The following ANGPTL1 variants were observed in gnomAD, a reference collection of about 807,000 sequenced individuals.
The protein encoded by ANGPTL1 is angiopoietin-related protein 1.
A neutral mutation model predicts 46.7 loss-of-function variants in ANGPTL1; 36 were observed. The observed-to-expected ratio is 0.77, with a 90% confidence interval of 0.59 to 1.02. The LOEUF (loss-of-function observed/expected upper bound fraction) is 1.02. Among genes scored for constraint, ANGPTL1 ranks in the 50% least tolerant of loss-of-function variants. ANGPTL1 has a pLI of 0.00. For synonymous variants in ANGPTL1, 221 were observed against 204.3 expected (o/e 1.08, Z -0.69); for missense variants, 571 against 594.7 (o/e 0.96, Z 0.41).
Position 178,865,693 on chromosome 1 carries a change from A to T in ANGPTL1, c.84T>A (p.Ile28=), listed in dbSNP as rs569779866. The T allele has an allele frequency of 5.9e-4, 948 of 1,613,842 alleles. 15 individuals are homozygous for T. The South Asian group carries it at 9.9e-3, about 17-fold the overall frequency. The change falls in exon 3 of 6, where the codon ATT becomes ATA. Residue 28 remains isoleucine, a synonymous_variant. Transcript: ENST00000234816. ...GGTATCTTCTCTGGTTTATTTTTTT[A>T]ATTTTGAATTGTCCACCTCTGCAAT... ...TGHCRGGQFK[I]KKINQRRYPR...
rs180699315 is a variant in ANGPTL1 at position 178,863,875 on chromosome 1, A to G, written c.823+1079T>C. Among the ~76,000 whole-genome samples the G allele has an allele frequency of 3.0e-3, 455 of 152,338 alleles. 2 individuals carry two copies. The highest frequency in any genetic ancestry group is 0.01 in the African/African-American group (434 of 41,590). ...ACTGACAGAGAGATGAAACCACTTC[A>G]TGATATATTTCTTTCTAGTCTTTAG... is the stretch of plus-strand genomic sequence containing the variant. On this transcript the variant is annotated intron_variant, in intron 3 of 5. Transcript: ENST00000234816.
chr1:178,869,074 G>T (rs1658589226), intron 2 of ANGPTL1, 40 bp downstream of exon 2: 1 of 151,788 alleles, frequency 6.6e-6, no homozygotes. Flanking sequence ...ATTTTCCTAG[G>T]CCCCAAGAGA....
At chr1:178,862,081 C>T (rs1425820213) in intron 3 of ANGPTL1, among the ~76,000 whole-genome samples, 4 of 152,188 alleles carry the variant, frequency 2.6e-5, no homozygotes, top group East Asian at 1.9e-4. Context: ...CCATGTTGGC[C>T]AGGCTGGTCT....
rs1657120713 is a variant in ANGPTL1 at position 178,850,802 on chromosome 1, G to C, written c.*327C>G. On this transcript the variant is annotated 3_prime_UTR_variant, in exon 6 of 6. Coordinates refer to ENST00000234816, the MANE Select transcript of ANGPTL1 (RefSeq NM_004673.4). ...TCTTAGATTTTAAATAAATTGTTAAGTATCTTGAACATGTTATTTATGATT... is the reference window on the plus strand; with the variant it reads ...TCTTAGATTTTAAATAAATTGTTAACTATCTTGAACATGTTATTTATGATT... The C allele has an allele frequency of 5.7e-6, 1 of 175,424 alleles. No individual in the cohort carries two copies. Among genetic ancestry groups the C allele is most frequent in the South Asian group, 2.0e-4 (1 of 5,082 alleles). The allele number at this position is 175,424 out of a possible 1,614,324, so 10.9% of individuals were successfully genotyped here. A position where few individuals can be genotyped will look rare whatever the true frequency, so the allele number is the denominator to read the frequency against.
Position 178,850,116 on chromosome 1 carries a change from G to A in ANGPTL1, c.*1013C>T, listed in dbSNP as rs942014721. Reference sequence around the variant, plus strand: ...ATGCCCCTGTGGCTTCTGCTCTGGAGCTGTTGAATTCTCAGTATCGGGAAA... The same window carrying A: ...ATGCCCCTGTGGCTTCTGCTCTGGAACTGTTGAATTCTCAGTATCGGGAAA... On this transcript the variant is annotated 3_prime_UTR_variant, in exon 6 of 6. Coordinates refer to ENST00000234816, the MANE Select transcript of ANGPTL1 (RefSeq NM_004673.4). 6.6e-6 allele frequency: 1 copy of A among 152,626 alleles called. No homozygotes were observed. The highest frequency in any genetic ancestry group is 1.5e-5 in the Non-Finnish European group (1 of 68,068). 9.5% of individuals were successfully genotyped at this position (152,626 alleles called of 1,614,324 possible). A position where few individuals can be genotyped will look rare whatever the true frequency, so the allele number is the denominator to read the frequency against.
At chr1:178,866,632 T>C (rs964124288) in intron 2 of ANGPTL1, among the ~76,000 whole-genome samples, 2 of 152,146 alleles carry the variant, frequency 1.3e-5, no homozygotes, top group African/African-American at 2.4e-5. Context: ...TTGTCTGTAA[T>C]TGAATATGAA....
rs1163340795 is a variant in ANGPTL1 at position 178,865,558 on chromosome 1, T to C, written c.219A>G (p.Ala73=). The change falls in exon 3 of 6, where the codon GCA becomes GCG. Residue 73 remains alanine, a synonymous_variant. Transcript: ENST00000234816. ...PICVNTKGQD[A]STIKDMITRM... The stretch of plus-strand genomic sequence containing the variant: ...TGGTGATCATGTCTTTAATGGTACT[T>C]GCATCTTGCCCCTTGGTGTTGACAC... The C allele has an allele frequency of 1.2e-6, 2 of 1,614,136 alleles. No homozygotes were observed. Among genetic ancestry groups the C allele is most frequent in the East Asian group, 2.2e-5 (1 of 44,874 alleles).
chr1:178,860,673 A>G (rs181529551), intron 3 of ANGPTL1, among the ~76,000 whole-genome samples: 32 of 152,342 alleles, frequency 2.1e-4, no homozygotes, highest in Admixed American at 1.9e-3. Flanking sequence ...AATACTTCAT[A>G]TAAGTAGAGT....
chr1:178,865,027 C>T lies in ANGPTL1; in HGVS notation c.750G>A (p.Met250Ile). 1 of 1,489,384 alleles carries T rather than the reference C, an allele frequency of 6.7e-7. No individual in the cohort carries two copies. The highest frequency in any genetic ancestry group is 8.9e-7 in the Non-Finnish European group (1 of 1,120,128). The allele number at this position is 1,489,384 out of a possible 1,614,324, so 92.3% of individuals were successfully genotyped here. A position where few individuals can be genotyped will look rare whatever the true frequency, so the allele number is the denominator to read the frequency against. ...GAGAAGTTGCCAGATCAGGTGGTGGCATTAAATCTCTGGGATAACCTGGAT... is the reference window on the plus strand; with the variant it reads ...GAGAAGTTGCCAGATCAGGTGGTGGTATTAAATCTCTGGGATAACCTGGAT... ...QRDPGYPRDL[M>I]PPPDLATSPT... The change falls in exon 3 of 6, where the codon ATG becomes ATA. Residue 250 changes from methionine (M) to isoleucine (I), a missense_variant. Transcript: ENST00000234816.
At chr1:178,851,838 C>T (rs1657194836) in intron 5 of ANGPTL1, among the ~76,000 whole-genome samples, 1 of 151,970 alleles carries the variant, frequency 6.6e-6, no homozygotes, top group Non-Finnish European at 1.5e-5. Flanking sequence ...TGCCAAAATA[C>T]AGCTGGAGAG....
Position 178,851,014 on chromosome 1 carries a change from TA to T in ANGPTL1, c.*114del, listed in dbSNP as rs1246055144. Reference sequence around the variant, plus strand: ...TTTATAGTTACGGTAAAATTCATTTTAAAAACTTTCTGTGTAGAAATAAATT... The same window carrying T: ...TTTATAGTTACGGTAAAATTCATTTTAAAACTTTCTGTGTAGAAATAAATT... On this transcript the variant is annotated 3_prime_UTR_variant, in exon 6 of 6. Transcript: ENST00000234816. The T allele has an allele frequency of 2.9e-6, 3 of 1,022,572 alleles. No individual in the cohort carries two copies. The Admixed American group carries it at 1.0e-4, about 35-fold the overall frequency. The allele number at this position is 1,022,572 out of a possible 1,614,324, so 63.3% of individuals were successfully genotyped here.
intron 3 of ANGPTL1, among the ~76,000 whole-genome samples, chr1:178,854,940 C>G (rs151168317): frequency 1.5e-3 from 235 of 152,090 alleles, no homozygotes; most frequent in African/African-American, 5.3e-3. Context: ...TGTTTCGAGC[C>G]TTTTTTATAA....
chr1:178,851,992 GTTTC>G (rs1015488448), intron 5 of ANGPTL1, among the ~76,000 whole-genome samples: 18 of 152,084 alleles, frequency 1.2e-4, no homozygotes, highest in African/African-American at 4.1e-4. Context: ...TGGTCTAGTT[GTTTC>G]TTTCTAATGA....
chr1:178,856,200 G>GATATATATATAT (rs1348083361), intron 3 of ANGPTL1, among the ~76,000 whole-genome samples: 43 of 40,904 alleles, frequency 1.1e-3, no homozygotes, highest in African/African-American at 3.8e-3. Flanking sequence ...CAGAGAGAGA[G>GATATATATATAT]AGATATATAT....
chr1:178,859,553 G>A (rs1006522520), intron 3 of ANGPTL1, among the ~76,000 whole-genome samples: 3 of 150,592 alleles, frequency 2.0e-5, no homozygotes, highest in South Asian at 2.1e-4. Context: ...ACAGGCGCCC[G>A]CCACTACGAA....
Position 178,851,020 on chromosome 1 carries a change from CTT to C in ANGPTL1, c.*107_*108del. 2 of 1,071,752 alleles carry C rather than the reference CTT, an allele frequency of 1.9e-6. No individual in the cohort carries two copies. The highest frequency in any genetic ancestry group is 2.5e-6 in the Non-Finnish European group (2 of 787,358). 66.4% of individuals were successfully genotyped at this position (1,071,752 alleles called of 1,614,324 possible). A position where few individuals can be genotyped will look rare whatever the true frequency, so the allele number is the denominator to read the frequency against. On this transcript the variant is annotated 3_prime_UTR_variant, in exon 6 of 6. Coordinates refer to ENST00000234816, the MANE Select transcript of ANGPTL1 (RefSeq NM_004673.4). ...GTTACGGTAAAATTCATTTTAAAAA[CTT>C]TCTGTGTAGAAATAAATTGTGCCAA...
At position 178,851,077 on chromosome 1, in the gene ANGPTL1, A is replaced by G. The variant is rs1285146841; in HGVS notation, c.*52T>C. The G allele has an allele frequency of 6.1e-6, 9 of 1,487,202 alleles. No homozygotes were observed. In the Admixed American group the frequency reaches 1.7e-4, roughly 29 times the overall value. 92.1% of individuals were successfully genotyped at this position (1,487,202 alleles called of 1,614,324 possible). A position where few individuals can be genotyped will look rare whatever the true frequency, so the allele number is the denominator to read the frequency against. ...TATACATGTAACATTTACATTTTTA[A>G]GAGCTGAAAAGTACAAAGTTCTGTG... is the stretch of plus-strand genomic sequence containing the variant. On this transcript the variant is annotated 3_prime_UTR_variant, in exon 6 of 6. Transcript: ENST00000234816.
In ANGPTL1 at chr1:178,864,277, GT is replaced by G. The variant is rs899171238; in HGVS notation, c.823+676del. Among the ~76,000 whole-genome samples, 416 of 151,548 alleles carry G rather than the reference GT, an allele frequency of 2.7e-3. 3 individuals are homozygous for G. The highest frequency in any genetic ancestry group is 9.6e-3 in the African/African-American group (395 of 41,320). On this transcript the variant is annotated intron_variant, in intron 3 of 5. Coordinates refer to ENST00000234816, the MANE Select transcript of ANGPTL1 (RefSeq NM_004673.4). ...GGAATCATGCATGATCAATGCAATA[GT>G]TTTTTTTTATAATAATGAACATTTA...
intron 3 of ANGPTL1, 70 bp from the exon 4 acceptor site, chr1:178,853,857 A>G (rs1657351212): frequency 7.8e-7 from 1 of 1,280,074 alleles, no homozygotes; most frequent in South Asian, 1.9e-5. Flanking sequence ...GTTTTTAATC[A>G]AGATTTTTAC....
Sources: allele counts gnomAD v4.1 joint callset (sites outside exome capture counted in the v4.1 genomes callset), GRCh38; gene constraint gnomAD v4.1.1; transcripts MANE v1.5; gene names NCBI Gene and HGNC (gene_info 2026-07-23, HGNC 2026-07-21).